AKAP7: variants seen among roughly 807,000 people sequenced by gnomAD.
The protein encoded by AKAP7 is A-kinase anchoring protein 7.
Under a neutral mutation model 39.5 loss-of-function variants are expected in AKAP7, and 39 were observed. That is an observed-to-expected ratio of 0.99 (90% CI 0.76 to 1.29). The LOEUF (loss-of-function observed/expected upper bound fraction) is 1.29, where lower values mean the gene tolerates loss of function less well. Ranked by LOEUF, AKAP7 falls within the 50% of genes most tolerant of loss-of-function variation. The pLI is 0.00. For missense variants in AKAP7, 414 were observed against 407.7 expected (o/e 1.02, Z -0.13); for synonymous variants, 140 against 139.1 (o/e 1.01, Z -0.05).
At chr6:131,173,303 T>G (rs1026532492) in intron 5 of AKAP7, among the ~76,000 whole-genome samples, 1 of 152,176 alleles carries the variant, frequency 6.6e-6, no homozygotes, top group Non-Finnish European at 1.5e-5. Context: ...GTTGAACATT[T>G]AACTTGTGTC....
chr6:131,133,251 G>T (rs1186256977), upstream of AKAP7, among the ~76,000 whole-genome samples: 1 of 152,004 alleles, frequency 6.6e-6, no homozygotes, highest in Non-Finnish European at 1.5e-5. Flanking sequence ...CTCATTTTTT[G>T]AGTATTATTA....
At chr6:131,192,292 CATTCTTCTGCATGTGGAT>C (rs1266826781) in intron 5 of AKAP7, among the ~76,000 whole-genome samples, 14 of 152,242 alleles carry the variant, frequency 9.2e-5, no homozygotes, top group African/African-American at 3.4e-4. Flanking sequence ...TGTCTAGTTT[CATTCTTCTGCATGTGGAT>C]ACCCAGTTTT....
chr6:131,275,125 G>A lies in AKAP7; in HGVS notation c.851-6405G>A, dbSNP rs1197054947. Among the ~76,000 whole-genome samples the A allele has an allele frequency of 3.3e-5, 5 of 152,178 alleles. No homozygotes were observed. In the South Asian group the frequency reaches 1.0e-3, roughly 32 times the overall value. On this transcript the variant is annotated intron_variant, in intron 7 of 7. Coordinates refer to ENST00000431975, the MANE Select transcript of AKAP7 (RefSeq NM_016377.4). ...TGGTACGTAATAGGTGCTTACTAAA[G>A]TGTTGATTAAATAAACAAATAATTG...
intron 7 of AKAP7, among the ~76,000 whole-genome samples, chr6:131,232,101 T>A (rs975713845): frequency 6.6e-6 from 1 of 152,214 alleles, no homozygotes; most frequent in African/African-American, 2.4e-5. Context: ...TGGCTCAGGC[T>A]ATTTTGAAAA....
intron 5 of AKAP7, chr6:131,184,453 G>A: frequency 1.5e-6 from 1 of 660,926 alleles, no homozygotes; most frequent in South Asian, 1.4e-5. Flanking sequence ...TCGTAGCCAT[G>A]ATCGCAGCAT....
chr6:131,188,356 CTT>C (rs1364423760), intron 5 of AKAP7, among the ~76,000 whole-genome samples: 1 of 152,028 alleles, frequency 6.6e-6, no homozygotes, highest in East Asian at 1.9e-4. Context: ...AGCTTTATGG[CTT>C]TTATTTCTTT....
intron 7 of AKAP7, among the ~76,000 whole-genome samples, chr6:131,262,990 C>T (rs891195308): frequency 1.3e-5 from 2 of 152,100 alleles, no homozygotes; most frequent in South Asian, 2.1e-4. Flanking sequence ...AAGGCTCAGA[C>T]GTCAGGGGGC....
intron 7 of AKAP7, among the ~76,000 whole-genome samples, chr6:131,267,272 A>G (rs945757594): frequency 2.6e-5 from 4 of 152,238 alleles, no homozygotes; most frequent in African/African-American, 7.2e-5. Flanking sequence ...ATTGGCATCA[A>G]AGATAAAATG....
chr6:131,135,713 G>A lies in AKAP7; in HGVS notation c.-51G>A. 2 of 1,190,602 alleles carry A rather than the reference G, an allele frequency of 1.7e-6. No individual in the cohort carries two copies. Among genetic ancestry groups the A allele is most frequent in the Non-Finnish European group, 1.0e-6 (1 of 963,566 alleles). The allele number at this position is 1,190,602 out of a possible 1,614,324, so 73.8% of individuals were successfully genotyped here. On this transcript the variant is annotated 5_prime_UTR_variant, in exon 1 of 8. Coordinates refer to ENST00000431975, the MANE Select transcript of AKAP7 (RefSeq NM_016377.4). ...CGCCTCCAGCCCCGGGACGCGGCCC[G>A]CCACCGCCGCTGCCGCCAGCCCAGA...
intron 6 of AKAP7, among the ~76,000 whole-genome samples, chr6:131,214,537 A>G (rs1296332456): frequency 6.6e-6 from 1 of 152,216 alleles, no homozygotes; most frequent in East Asian, 1.9e-4. Flanking sequence ...CCAGTATTGT[A>G]CCTGATTATT....
At chr6:131,252,977 G>T in intron 7 of AKAP7, 1 of 1,560,976 alleles carries the variant, frequency 6.4e-7, no homozygotes, top group Non-Finnish European at 8.8e-7. Flanking sequence ...CCAAATTATG[G>T]AGAATTTGAT....
At chr6:131,150,247 A>T (rs1801806754) in intron 2 of AKAP7, among the ~76,000 whole-genome samples, 1 of 152,150 alleles carries the variant, frequency 6.6e-6, no homozygotes, top group East Asian at 1.9e-4. Flanking sequence ...ACAGAATTCT[A>T]CTCTGTAATA....
intron 5 of AKAP7, among the ~76,000 whole-genome samples, chr6:131,180,741 G>A (rs987130947): frequency 4.6e-5 from 7 of 151,958 alleles, no homozygotes; most frequent in South Asian, 2.1e-4. Context: ...TGAATCTAAC[G>A]AATGCTCTAG....
At chr6:131,196,573 C>T (rs755345008) in intron 5 of AKAP7, among the ~76,000 whole-genome samples, 1 of 151,964 alleles carries the variant, frequency 6.6e-6, no homozygotes, top group African/African-American at 2.4e-5. Flanking sequence ...CTGCATTTTT[C>T]AACTCTAGAA....
chr6:131,282,121 A>C lies in AKAP7; in HGVS notation c.*395A>C. The C allele has an allele frequency of 8.6e-7, 1 of 1,168,490 alleles. No homozygotes were observed. The highest frequency in any genetic ancestry group is 1.1e-6 in the Non-Finnish European group (1 of 948,278). 72.4% of individuals were successfully genotyped at this position (1,168,490 alleles called of 1,614,324 possible). A position where few individuals can be genotyped will look rare whatever the true frequency, so the allele number is the denominator to read the frequency against. On this transcript the variant is annotated 3_prime_UTR_variant, in exon 8 of 8. Coordinates refer to ENST00000431975, the MANE Select transcript of AKAP7 (RefSeq NM_016377.4). ...CTTTATCTGAGGCCAGAACTCTCAC[A>C]CACAGCTATCAAGTGCTAAGTTTAA...
chr6:131,136,484 G>T (rs1205487011), intron 1 of AKAP7, among the ~76,000 whole-genome samples: 2 of 152,144 alleles, frequency 1.3e-5, no homozygotes, highest in African/African-American at 4.8e-5. Context: ...TTAATCGTGT[G>T]AATATGTTGA....
intron 7 of AKAP7, among the ~76,000 whole-genome samples, chr6:131,240,890 G>A (rs9483235): frequency 0.027 from 4,116 of 152,052 alleles, 128 homozygotes; most frequent in African/African-American, 0.074. Context: ...TTCAGCTCAC[G>A]CTCAGTGCCC....
chr6:131,217,026 A>G (rs1265988883), intron 6 of AKAP7, among the ~76,000 whole-genome samples: 1 of 152,228 alleles, frequency 6.6e-6, no homozygotes, highest in Non-Finnish European at 1.5e-5. Flanking sequence ...CTAACATTGT[A>G]TACCTCCATT....
chr6:131,222,352 T>C lies in AKAP7; in HGVS notation c.850+2544T>C, dbSNP rs560915569. On this transcript the variant is annotated intron_variant, in intron 7 of 7. Coordinates refer to ENST00000431975, the MANE Select transcript of AKAP7 (RefSeq NM_016377.4). Reference sequence around the variant, plus strand: ...CATCCTGGCTAACACCGTGAAACCCTGTCTCTACTAAAAATGCAAAAAATA... The same window carrying C: ...CATCCTGGCTAACACCGTGAAACCCCGTCTCTACTAAAAATGCAAAAAATA... 3.6e-4 allele frequency among the ~76,000 whole-genome samples: 54 copies of C among 152,074 alleles called. 1 individual carries two copies. In the South Asian group the frequency reaches 4.0e-3, roughly 11 times the overall value.
Sources: gnomAD v4.1 joint callset for allele counts (sites outside exome capture counted in the v4.1 genomes callset) on GRCh38, gnomAD v4.1.1 for gene constraint, MANE v1.5 for transcripts, NCBI Gene and HGNC (gene_info 2026-07-23, HGNC 2026-07-21) for gene names.